RANBP2: variants seen among roughly 807,000 people sequenced by gnomAD.
RANBP2 encodes E3 SUMO-protein ligase RanBP2.
Under a neutral mutation model 303.6 loss-of-function variants are expected in RANBP2, and 57 were observed. The observed-to-expected ratio is 0.19, with a 90% confidence interval of 0.15 to 0.23. The LOEUF (loss-of-function observed/expected upper bound fraction) is 0.23. Among genes scored for constraint, RANBP2 ranks in the 10% least tolerant of loss-of-function variants. The pLI is 1.00. For synonymous variants in RANBP2, 1,167 were observed against 1,301.5 expected (o/e 0.90, Z 2.23); for missense variants, 3,138 against 3,780.8 (o/e 0.83, Z 4.46).
the RANBP2 span, chr2:109,564,517 A>C: frequency 2.0e-6 from 3 of 1,523,494 alleles, no homozygotes; most frequent in African/African-American, 2.8e-5. Context: ...ACAAAGTCAC[A>C]GTGGTTTTCA....
At chr2:109,200,126 A>G in the RANBP2 span, among the ~76,000 whole-genome samples, 4 of 152,294 alleles carry the variant, frequency 2.6e-5, no homozygotes, top group East Asian at 7.7e-4. Context: ...TGTTACGGAC[A>G]TGCTCCACAT....
At chr2:109,328,477 C>T in the RANBP2 span, among the ~76,000 whole-genome samples, 3 of 152,330 alleles carry the variant, frequency 2.0e-5, no homozygotes, top group South Asian at 6.2e-4. Context: ...CTGGTAGTTA[C>T]ATCTGAGGAC....
At chr2:109,481,537 T>A in the RANBP2 span, among the ~76,000 whole-genome samples, 1 of 152,014 alleles carries the variant, frequency 6.6e-6, no homozygotes, top group Admixed American at 6.5e-5. Context: ...CAGAAGGCTG[T>A]AGATGCGTAG....
chr2:109,249,467 C>T, the RANBP2 span, among the ~76,000 whole-genome samples: 8 of 99,370 alleles, frequency 8.1e-5, no homozygotes, highest in South Asian at 1.2e-3. Flanking sequence ...TTCTCTCTTT[C>T]TCTTTCTTTC....
the RANBP2 span, among the ~76,000 whole-genome samples, chr2:108,820,047 C>A: frequency 6.6e-6 from 1 of 152,100 alleles, no homozygotes; most frequent in Non-Finnish European, 1.5e-5. Context: ...AATATCTGAA[C>A]TATAAAAGTC....
the RANBP2 span, among the ~76,000 whole-genome samples, chr2:109,747,716 C>G: frequency 6.9e-6 from 1 of 145,670 alleles, no homozygotes; most frequent in Non-Finnish European, 1.5e-5. Context: ...TTGATTGAGC[C>G]TGGGCAAAAA....
chr2:108,804,247 T>C, the RANBP2 span, among the ~76,000 whole-genome samples: 1 of 152,222 alleles, frequency 6.6e-6, no homozygotes, highest in Non-Finnish European at 1.5e-5. Flanking sequence ...GGTGAAACTA[T>C]TAAGTATTCA....
chr2:109,040,533 A>G, the RANBP2 span, among the ~76,000 whole-genome samples: 1 of 152,226 alleles, frequency 6.6e-6, no homozygotes, highest in South Asian at 2.1e-4. Flanking sequence ...ATTGCATTAA[A>G]TCTAGATTAA....
chr2:109,425,958 C>T, the RANBP2 span, among the ~76,000 whole-genome samples: 1 of 152,168 alleles, frequency 6.6e-6, no homozygotes, highest in Non-Finnish European at 1.5e-5. Context: ...AGTGCAGTGG[C>T]ATGATCTTGG....
chr2:109,478,486 G>A, the RANBP2 span, among the ~76,000 whole-genome samples: 1 of 152,324 alleles, frequency 6.6e-6, no homozygotes, highest in Non-Finnish European at 1.5e-5. Flanking sequence ...TTATCTAGAT[G>A]TCTTCATGCT....
chr2:108,771,718 C>A lies in RANBP2; in HGVS notation c.7867C>A (p.Pro2623Thr), dbSNP rs1320864300. 1.2e-6 allele frequency: 2 copies of A among 1,613,086 alleles called. No homozygotes were observed. The highest frequency in any genetic ancestry group is 1.1e-5 in the South Asian group (1 of 91,070). ...TGTTACAGCAAAAGAGAAGAAAAAA[C>A]CTGAAGATTCTCCCTCAGATGATGA... ...TPEKAKEKKKPEDSPSDDDVL... is the reference protein window; with the variant it reads ...TPEKAKEKKKTEDSPSDDDVL... Residue 2623 changes from proline (P) to threonine (T), a missense_variant, in exon 21 of 29, where the codon CCT becomes ACT. By Grantham distance (38) the Pro-to-Thr change is conservative. Transcript: ENST00000283195.
At chr2:108,849,894 C>T in the RANBP2 span, among the ~76,000 whole-genome samples, 4 of 152,310 alleles carry the variant, frequency 2.6e-5, no homozygotes, top group Middle Eastern at 0.01. Flanking sequence ...AGAGCACTTT[C>T]TGACTGCAGG....
At chr2:109,012,901 G>C in the RANBP2 span, among the ~76,000 whole-genome samples, 6 of 152,140 alleles carry the variant, frequency 3.9e-5, no homozygotes, top group African/African-American at 7.2e-5. Context: ...GCGACAGAGC[G>C]AGACTCCATC....
chr2:109,063,388 C>G, the RANBP2 span, among the ~76,000 whole-genome samples: 1 of 152,168 alleles, frequency 6.6e-6, no homozygotes, highest in Admixed American at 6.5e-5. Context: ...GATCTCGACA[C>G]AGTAGGGTCC....
chr2:109,524,076 A>G, the RANBP2 span, among the ~76,000 whole-genome samples: 1 of 151,874 alleles, frequency 6.6e-6, no homozygotes, highest in African/African-American at 2.4e-5. Context: ...GCCTGGTCTC[A>G]CCTCCCCAGC....
chr2:109,473,957 T>C, the RANBP2 span, among the ~76,000 whole-genome samples: 1 of 152,060 alleles, frequency 6.6e-6, no homozygotes, highest in Non-Finnish European at 1.5e-5. Flanking sequence ...GGGCAGAAAG[T>C]CTTTATAGAC....
chr2:108,871,370 T>C, the RANBP2 span, among the ~76,000 whole-genome samples: 14 of 76,638 alleles, frequency 1.8e-4, no homozygotes, highest in Admixed American at 5.1e-4. Context: ...CCAACTCTAT[T>C]AAAAAAAAAA....
At chr2:109,285,296 C>T in the RANBP2 span, among the ~76,000 whole-genome samples, 2 of 152,350 alleles carry the variant, frequency 1.3e-5, no homozygotes, top group East Asian at 3.9e-4. Context: ...CTCCTCATAA[C>T]CTCCTGGGAA....
the RANBP2 span, among the ~76,000 whole-genome samples, chr2:109,195,860 T>C: frequency 2.0e-5 from 3 of 152,206 alleles, no homozygotes; most frequent in African/African-American, 7.2e-5. Context: ...AGTCTGGCTA[T>C]GCGTTTGGAA....
Sources: gnomAD v4.1 joint callset for allele counts (sites outside exome capture counted in the v4.1 genomes callset) on GRCh38, gnomAD v4.1.1 for gene constraint, MANE v1.5 for transcripts, NCBI Gene and HGNC (gene_info 2026-07-23, HGNC 2026-07-21) for gene names.